OR4D1: variants seen among roughly 807,000 people sequenced by gnomAD.
OR4D1 encodes the protein olfactory receptor family 4 subfamily D member 1, also known as olfactory receptor 4D1.
A neutral mutation model predicts 14.2 loss-of-function variants in OR4D1; 10 were observed. That is an observed-to-expected ratio of 0.71 (90% CI 0.44 to 1.20). The LOEUF (loss-of-function observed/expected upper bound fraction) is 1.20. Among genes scored for constraint, OR4D1 ranks in the 50% most tolerant of loss-of-function variants. The pLI, the probability that OR4D1 is intolerant of heterozygous loss-of-function variation, is 0.00. For missense variants in OR4D1, 345 were observed against 376.6 expected, an observed-to-expected ratio of 0.92 and a Z score of 0.70; for synonymous variants, 141 against 147.4, an observed-to-expected ratio of 0.96 and a Z score of 0.32.
chr17:58,157,525 C>A lies in OR4D1; in HGVS notation c.*1439C>A. ...TCTCCATTGCAGAGGGTGCGGACTT[C>A]TCCAGCTCTCCGAACCTCACGGAGA... is the stretch of plus-strand genomic sequence containing the variant. On this transcript the variant is annotated 3_prime_UTR_variant, in exon 4 of 4. Transcript: ENST00000268912. 7.3e-7 allele frequency: 1 copy of A among 1,371,826 alleles called. No homozygotes were observed. Among genetic ancestry groups the A allele is most frequent in the Non-Finnish European group, 1.0e-6 (1 of 960,562 alleles). 85.0% of individuals were successfully genotyped at this position (1,371,826 alleles called of 1,614,324 possible).
chr17:58,157,144 T>A lies in OR4D1; in HGVS notation c.*1058T>A. On this transcript the variant is annotated 3_prime_UTR_variant, in exon 4 of 4. Transcript: ENST00000268912. The stretch of plus-strand genomic sequence containing the variant: ...AAGGTCTCCAGCCTGCCCTACAGTG[T>A]GGATGCGCTCGTGTCGGACAAGAAG... 6.8e-7 allele frequency: 1 copy of A among 1,465,810 alleles called. No individual in the cohort carries two copies. The highest frequency in any genetic ancestry group is 9.1e-7 in the Non-Finnish European group (1 of 1,104,600). The allele number at this position is 1,465,810 out of a possible 1,614,324, so 90.8% of individuals were successfully genotyped here. A position where few individuals can be genotyped will look rare whatever the true frequency, so the allele number is the denominator to read the frequency against.
chr17:58,157,131 C>G lies in OR4D1; in HGVS notation c.*1045C>G. The G allele has an allele frequency of 2.0e-6, 3 of 1,481,072 alleles. No individual in the cohort carries two copies. The highest frequency in any genetic ancestry group is 2.5e-5 in the South Asian group (2 of 79,526). 91.7% of individuals were successfully genotyped at this position (1,481,072 alleles called of 1,614,324 possible). On this transcript the variant is annotated 3_prime_UTR_variant, in exon 4 of 4. Transcript: ENST00000268912. The stretch of plus-strand genomic sequence containing the variant: ...GGAGCGCCGCGTCAAGGTCTCCAGC[C>G]TGCCCTACAGTGTGGATGCGCTCGT...
chr17:58,151,251 T>C (rs1323939962), intron 2 of OR4D1, among the ~76,000 whole-genome samples: 1 of 152,122 alleles, frequency 6.6e-6, no homozygotes, highest in African/African-American at 2.4e-5. Context: ...GATGAAGATC[T>C]TTTTTTTCTT....
At chr17:58,153,583 T>A (rs1309619766) in intron 2 of OR4D1, among the ~76,000 whole-genome samples, 1 of 152,220 alleles carries the variant, frequency 6.6e-6, no homozygotes, top group East Asian at 1.9e-4. Flanking sequence ...AATTCCCACG[T>A]AACAGCATCA....
At chr17:58,155,102 G>A in intron 3 of OR4D1, 33 bp from the exon 4 acceptor site, 1 of 651,418 alleles carries the variant, frequency 1.5e-6, no homozygotes, top group African/African-American at 1.2e-4. Context: ...CATTTTTTTT[G>A]TTTGTTTGTT....
At chr17:58,155,098 TTTTG>T (rs60140391) in intron 3 of OR4D1, 33 bp from the exon 4 acceptor site, 379,807 of 1,297,044 alleles carry the variant, frequency 0.29, 62,606 homozygotes, top group African/African-American at 0.62. Context: ...TTTTCATTTT[TTTTG>T]TTTGTTTGTT....
At chr17:58,150,486 G>C (rs1167480489) in intron 2 of OR4D1, among the ~76,000 whole-genome samples, 4 of 152,202 alleles carry the variant, frequency 2.6e-5, no homozygotes, top group Non-Finnish European at 5.9e-5. Flanking sequence ...GAGTTCAAGG[G>C]AGAAGTCTAG....
In OR4D1 at chr17:58,155,836, A is replaced by G; in HGVS notation, c.683A>G (p.His228Arg). 2 of 1,614,100 alleles carry G rather than the reference A, an allele frequency of 1.2e-6. No individual in the cohort carries two copies. The highest frequency in any genetic ancestry group is 1.7e-6 in the Non-Finnish European group (2 of 1,180,020). The change falls in exon 4 of 4, where the codon CAC becomes CGC. Residue 228 changes from histidine to arginine, a missense_variant. Coordinates refer to ENST00000268912, the MANE Select transcript of OR4D1 (RefSeq NM_001386095.1). The part of the protein sequence containing the change: ...YTVILVMLRS[H>R]SGKARRKAAS... ...GTCATCCTGGTGATGCTGAGGTCCC[A>G]CTCGGGAAAGGCAAGGAGGAAGGCA...
chr17:58,154,644 C>T (rs1010604063), intron 3 of OR4D1, among the ~76,000 whole-genome samples: 1 of 152,246 alleles, frequency 6.6e-6, no homozygotes, highest in Non-Finnish European at 1.5e-5. Context: ...CAGCAATAAA[C>T]ATCCTCTCAA....
Position 58,156,808 on chromosome 17 carries a change from T to C in OR4D1, c.*722T>C, listed in dbSNP as rs1597953050. 3.9e-6 allele frequency: 1 copy of C among 257,846 alleles called. No individual in the cohort carries two copies. Among genetic ancestry groups the C allele is most frequent in the East Asian group, 9.5e-5 (1 of 10,530 alleles). The allele number at this position is 257,846 out of a possible 1,614,324, so 16.0% of individuals were successfully genotyped here. A position where few individuals can be genotyped will look rare whatever the true frequency, so the allele number is the denominator to read the frequency against. On this transcript the variant is annotated 3_prime_UTR_variant, in exon 4 of 4. Transcript: ENST00000268912. ...GAAAACCTAGAGAGGTCTTCGTCTA[T>C]AGAGAAGTATCTCTGATGAATGGTC...
In OR4D1 at chr17:58,155,457, T is replaced by A; in HGVS notation, c.304T>A (p.Phe102Ile). 1.9e-6 allele frequency: 3 copies of A among 1,614,172 alleles called. No individual in the cohort carries two copies. The highest frequency in any genetic ancestry group is 2.5e-6 in the Non-Finnish European group (3 of 1,179,996). The change falls in exon 4 of 4, where the codon TTC becomes ATC. Residue 102 changes from phenylalanine (F) to isoleucine (I), a missense_variant. By Grantham distance (21) the Phe-to-Ile change is conservative. Coordinates refer to ENST00000268912, the MANE Select transcript of OR4D1 (RefSeq NM_001386095.1). ...CTACCAGGGCTGCATGGCCCAGATC[T>A]TCTTCTTCCACCTTTTGGGAGGTGG... ...ISYQGCMAQIFFFHLLGGGTV... is the reference protein window; with the variant it reads ...ISYQGCMAQIIFFHLLGGGTV...
chr17:58,154,082 A>G (rs1220669808), intron 3 of OR4D1, among the ~76,000 whole-genome samples, 119 bp downstream of exon 3: 1 of 152,004 alleles, frequency 6.6e-6, no homozygotes, highest in Non-Finnish European at 1.5e-5. Context: ...CAGCCTCCCA[A>G]ATGGCTGGGG....
At position 58,157,159 on chromosome 17, in the gene OR4D1, C is replaced by A. The variant is rs1967787427; in HGVS notation, c.*1073C>A. The A allele has an allele frequency of 6.9e-7, 1 of 1,459,816 alleles. No homozygotes were observed. The highest frequency in any genetic ancestry group is 9.1e-7 in the Non-Finnish European group (1 of 1,101,244). 90.4% of individuals were successfully genotyped at this position (1,459,816 alleles called of 1,614,324 possible). ...CCCTACAGTGTGGATGCGCTCGTGT[C>A]GGACAAGAAGCCGCCCAAGGAGGCA... On this transcript the variant is annotated 3_prime_UTR_variant, in exon 4 of 4. Transcript: ENST00000268912.
rs777762830 is a variant in OR4D1 at position 58,155,484 on chromosome 17, A to G, written c.331A>G (p.Thr111Ala). The G allele has an allele frequency of 1.2e-6, 2 of 1,613,878 alleles. No homozygotes were observed. Among genetic ancestry groups the G allele is most frequent in the South Asian group, 1.1e-5 (1 of 91,056 alleles). ...CTTCTTCCACCTTTTGGGAGGTGGG[A>G]CTGTCTTTTTTCTCTCAGTCATGGC... ...IFFFHLLGGG[T>A]VFFLSVMAYD... Residue 111 changes from threonine (T) to alanine (A), a missense_variant, in exon 4 of 4, where the codon ACT becomes GCT. Transcript: ENST00000268912.
At chr17:58,150,628 C>T (rs1314625019) in intron 2 of OR4D1, among the ~76,000 whole-genome samples, 3 of 152,140 alleles carry the variant, frequency 2.0e-5, no homozygotes, top group African/African-American at 7.2e-5. Flanking sequence ...AAAGAACCCA[C>T]GGTTACTGAC....
chr17:58,150,711 C>A (rs1475712943), intron 2 of OR4D1, among the ~76,000 whole-genome samples: 1 of 152,120 alleles, frequency 6.6e-6, no homozygotes, highest in African/African-American at 2.4e-5. Context: ...AGCGGTTCTG[C>A]AACAGTCCTG....
rs1967787583 is a variant in OR4D1 at position 58,157,164 on chromosome 17, A to G, written c.*1078A>G. Reference sequence around the variant, plus strand: ...CAGTGTGGATGCGCTCGTGTCGGACAAGAAGCCGCCCAAGGAGGCATCCCC... The same window carrying G: ...CAGTGTGGATGCGCTCGTGTCGGACGAGAAGCCGCCCAAGGAGGCATCCCC... On this transcript the variant is annotated 3_prime_UTR_variant, in exon 4 of 4. Coordinates refer to ENST00000268912, the MANE Select transcript of OR4D1 (RefSeq NM_001386095.1). 1.4e-6 allele frequency: 2 copies of G among 1,462,938 alleles called. No individual in the cohort carries two copies. The highest frequency in any genetic ancestry group is 2.8e-5 in the African/African-American group (2 of 70,544). The allele number at this position is 1,462,938 out of a possible 1,614,324, so 90.6% of individuals were successfully genotyped here. A position where few individuals can be genotyped will look rare whatever the true frequency, so the allele number is the denominator to read the frequency against.
rs1967799662 is a variant in OR4D1 at position 58,157,929 on chromosome 17, C to A, written c.*1843C>A. ...ACCCTGAGTGCACCACCCTAAGCGG[C>A]TAGGCCGGCAGGGCCACACGACACA... On this transcript the variant is annotated 3_prime_UTR_variant, in exon 4 of 4. Coordinates refer to ENST00000268912, the MANE Select transcript of OR4D1 (RefSeq NM_001386095.1). 1.1e-6 allele frequency: 1 copy of A among 924,648 alleles called. No homozygotes were observed. 57.3% of individuals were successfully genotyped at this position (924,648 alleles called of 1,614,324 possible). A position where few individuals can be genotyped will look rare whatever the true frequency, so the allele number is the denominator to read the frequency against.
In OR4D1 at chr17:58,157,632, C is replaced by T. The variant is rs1469388622; in HGVS notation, c.*1546C>T. On this transcript the variant is annotated 3_prime_UTR_variant, in exon 4 of 4. Coordinates refer to ENST00000268912, the MANE Select transcript of OR4D1 (RefSeq NM_001386095.1). The stretch of plus-strand genomic sequence containing the variant: ...TCAGAACTGGAAAAGCTGAAAATGG[C>T]TGCAAAACCTATGCTACCCTCCAGC... 3.7e-6 allele frequency: 6 copies of T among 1,613,674 alleles called. No homozygotes were observed. Among genetic ancestry groups the T allele is most frequent in the Non-Finnish European group, 5.1e-6 (6 of 1,179,864 alleles).
Sources: gnomAD v4.1 joint callset for allele counts (sites outside exome capture counted in the v4.1 genomes callset) on GRCh38, gnomAD v4.1.1 for gene constraint, MANE v1.5 for transcripts, NCBI Gene and HGNC (gene_info 2026-07-23, HGNC 2026-07-21) for gene names.